The following TCEANC2 variants were observed in gnomAD, a reference collection of about 807,000 sequenced individuals.
TCEANC2 encodes the protein transcription elongation factor A N-terminal and central domain-containing protein 2.
A neutral mutation model predicts 22.8 loss-of-function variants in TCEANC2; 20 were observed. That is an observed-to-expected ratio of 0.88 (90% CI 0.62 to 1.28). TCEANC2 has a LOEUF of 1.28. Ranked by LOEUF, TCEANC2 falls within the 50% of genes most tolerant of loss-of-function variation. TCEANC2 has a pLI of 0.00. For missense variants in TCEANC2, 251 were observed against 249.7 expected, an observed-to-expected ratio of 1.01 and a Z score of -0.03; for synonymous variants, 84 against 95.5, an observed-to-expected ratio of 0.88 and a Z score of 0.70.
chr1:54,108,972 A>C (rs114540611), downstream of TCEANC2, among the ~76,000 whole-genome samples: 5,287 of 147,966 alleles, frequency 0.036, 109 homozygotes, highest in Middle Eastern at 0.055. Context: ...ACTCCGTCCC[A>C]AAAAAAAAAG....
intron 2 of TCEANC2, among the ~76,000 whole-genome samples, chr1:54,057,671 C>A (rs74085145): frequency 0.097 from 14,752 of 152,078 alleles, 1,692 homozygotes; most frequent in African/African-American, 0.28. Flanking sequence ...AAATATGTCT[C>A]AAATAGAAAA....
At chr1:54,080,679 G>T (rs1437483796) in intron 3 of TCEANC2, among the ~76,000 whole-genome samples, 2 of 152,184 alleles carry the variant, frequency 1.3e-5, no homozygotes, top group Non-Finnish European at 2.9e-5. Flanking sequence ...GTCTTGTCTT[G>T]CTCAACATTC....
chr1:54,084,861 G>A (rs1209556836), intron 3 of TCEANC2, among the ~76,000 whole-genome samples: 2 of 152,080 alleles, frequency 1.3e-5, no homozygotes, highest in Admixed American at 1.3e-4. Context: ...CTACTACAGT[G>A]ACCAAGAGCA....
Position 54,083,754 on chromosome 1 carries a change from A to G in TCEANC2, c.245-4843A>G, listed in dbSNP as rs77522308. 3.1e-3 allele frequency among the ~76,000 whole-genome samples: 465 copies of G among 152,312 alleles called. 2 individuals carry two copies. Among genetic ancestry groups the G allele is most frequent in the African/African-American group, 0.011 (441 of 41,566 alleles). The stretch of plus-strand genomic sequence containing the variant: ...TGTTGACATGTTGAGCCAGCCCACT[A>G]GATTGTGAGCTGAACTGCATGGATA... On this transcript the variant is annotated intron_variant, in intron 3 of 4. Coordinates refer to ENST00000234827, the MANE Select transcript of TCEANC2 (RefSeq NM_153035.3).
chr1:54,086,813 G>A (rs138230321), intron 3 of TCEANC2, among the ~76,000 whole-genome samples: 115 of 152,298 alleles, frequency 7.6e-4, no homozygotes, highest in Non-Finnish European at 1.3e-3. Context: ...TGGCATTAAG[G>A]GGTACCAAAC....
At chr1:54,055,882 A>G (rs1195251568) in intron 2 of TCEANC2, among the ~76,000 whole-genome samples, 4 of 152,192 alleles carry the variant, frequency 2.6e-5, no homozygotes, top group African/African-American at 9.7e-5. Context: ...AGATTGAACT[A>G]TATCAGTGTT....
chr1:54,077,220 C>T (rs1177897889), intron 3 of TCEANC2, among the ~76,000 whole-genome samples: 6 of 152,220 alleles, frequency 3.9e-5, no homozygotes, highest in Admixed American at 3.9e-4. Context: ...CTTATCCTCT[C>T]CACTGGCTCG....
rs1020414674 is a variant in TCEANC2, at chr1:54,104,511, G to A, written c.*8038G>A. The A allele has an allele frequency of 2.5e-5, 11 of 437,450 alleles. No individual in the cohort carries two copies. The highest frequency in any genetic ancestry group is 4.1e-5 in the Non-Finnish European group (9 of 218,550). 27.1% of individuals were successfully genotyped at this position (437,450 alleles called of 1,614,324 possible). A position where few individuals can be genotyped will look rare whatever the true frequency, so the allele number is the denominator to read the frequency against. ...TATCTTTGGTACTCAGTTGATTCAC[G>A]TGGAGACTTCTTGGTATTCCTTTGC... On this transcript the variant is annotated 3_prime_UTR_variant, in exon 5 of 5. Coordinates refer to ENST00000234827, the MANE Select transcript of TCEANC2 (RefSeq NM_153035.3).
intron 3 of TCEANC2, among the ~76,000 whole-genome samples, chr1:54,079,563 C>G (rs1658201404): frequency 6.6e-6 from 1 of 152,146 alleles, no homozygotes; most frequent in Non-Finnish European, 1.5e-5. Context: ...GGCTTGTGAT[C>G]TCCTTCCTCC....
chr1:54,094,976 A>T (rs1406109002), intron 4 of TCEANC2, among the ~76,000 whole-genome samples: 3 of 151,608 alleles, frequency 2.0e-5, no homozygotes, highest in Non-Finnish European at 4.4e-5. Context: ...CCATCTCTAA[A>T]TTTTTTTTTA....
intron 2 of TCEANC2, among the ~76,000 whole-genome samples, chr1:54,067,014 A>G (rs61777599): frequency 0.041 from 6,297 of 152,300 alleles, 187 homozygotes; most frequent in Non-Finnish European, 0.062. Flanking sequence ...TTAAAGGAAG[A>G]GGGGAGAGAG....
chr1:54,093,778 G>T (rs1464086801), intron 4 of TCEANC2, among the ~76,000 whole-genome samples: 7 of 148,870 alleles, frequency 4.7e-5, no homozygotes, highest in African/African-American at 1.7e-4. Flanking sequence ...TGCTGGAGTG[G>T]CCATGACTTG....
chr1:54,099,416 T>C lies in TCEANC2; in HGVS notation c.*2943T>C, dbSNP rs1658616163. On this transcript the variant is annotated 3_prime_UTR_variant, in exon 5 of 5. Coordinates refer to ENST00000234827, the MANE Select transcript of TCEANC2 (RefSeq NM_153035.3). ...ATCCCTCCCAATCTTGCCCACACAC[T>C]GAGAAGTAACTCGGAGCTACAGTCT... 6.6e-6 allele frequency: 1 copy of C among 152,218 alleles called. No individual in the cohort carries two copies. Among genetic ancestry groups the C allele is most frequent in the South Asian group, 2.1e-4 (1 of 4,826 alleles). 9.4% of individuals were successfully genotyped at this position (152,218 alleles called of 1,614,324 possible).
At chr1:54,068,029 G>A (rs867716326) in intron 2 of TCEANC2, among the ~76,000 whole-genome samples, 17 of 152,274 alleles carry the variant, frequency 1.1e-4, no homozygotes, top group African/African-American at 3.1e-4. Flanking sequence ...TTGCAACACA[G>A]TGTGAAGAAC....
chr1:54,065,136 G>A (rs1044820338), intron 2 of TCEANC2, among the ~76,000 whole-genome samples: 1 of 152,120 alleles, frequency 6.6e-6, no homozygotes, highest in Non-Finnish European at 1.5e-5. Flanking sequence ...AAGAGAACAG[G>A]TAAGTTTGGA....
At chr1:54,060,441 C>T (rs529038065) in intron 2 of TCEANC2, among the ~76,000 whole-genome samples, 57 of 151,142 alleles carry the variant, frequency 3.8e-4, no homozygotes, top group Admixed American at 2.1e-3. Context: ...TGGTGGCATG[C>T]GCCTATGGTC....
downstream of TCEANC2, among the ~76,000 whole-genome samples, chr1:54,106,762 GA>G (rs111305948): frequency 0.027 from 3,923 of 146,584 alleles, 106 homozygotes; most frequent in Middle Eastern, 0.08. Context: ...TTGAGAAAAA[GA>G]AAAAAAAAAG....
chr1:54,054,562 G>A, intron 2 of TCEANC2, 38 bp downstream of exon 2: 3 of 1,579,716 alleles, frequency 1.9e-6, no homozygotes, highest in South Asian at 2.3e-5. Flanking sequence ...ATGTGCAAAG[G>A]ACTGATAGCA....
intron 2 of TCEANC2, among the ~76,000 whole-genome samples, chr1:54,065,542 A>AC (rs1357629286): frequency 6.6e-6 from 1 of 151,974 alleles, no homozygotes; most frequent in African/African-American, 2.4e-5. Flanking sequence ...ACATAGTGAG[A>AC]CCCCACATCT....
Sources: gnomAD v4.1 joint callset for allele counts (sites outside exome capture counted in the v4.1 genomes callset) on GRCh38, gnomAD v4.1.1 for gene constraint, MANE v1.5 for transcripts, NCBI Gene and HGNC (gene_info 2026-07-23, HGNC 2026-07-21) for gene names.